ERG: variants seen among roughly 807,000 people sequenced by gnomAD.
ERG encodes transcriptional regulator ERG.
A neutral mutation model predicts 55.3 loss-of-function variants in ERG; 9 were observed. The ratio of observed to expected loss-of-function variants is 0.16; its 90% CI spans 0.10 to 0.28. The LOEUF (loss-of-function observed/expected upper bound fraction) is 0.28. ERG is among the 10% of genes least tolerant of loss of function. The pLI is 1.00. For missense variants in ERG, 434 were observed against 631.6 expected, an observed-to-expected ratio of 0.69 and a Z score of 3.35; for synonymous variants, 223 against 237.3, an observed-to-expected ratio of 0.94 and a Z score of 0.55.
intron 1 of ERG, among the ~76,000 whole-genome samples, chr21:38,636,061 G>A (rs945662440): frequency 9.6e-6 from 1 of 104,612 alleles, no homozygotes; most frequent in Non-Finnish European, 2.1e-5. Flanking sequence ...GTACCCTCTT[G>A]CTGTTCTCAA....
chr21:38,394,618 C>T lies in ERG; in HGVS notation c.746-2174G>A, dbSNP rs1205723777. ...CCGCCCGCCTCAGCCTCCTAAAGTG[C>T]TGGGATTACAGGCGTGAGCCACCGC... On this transcript the variant is annotated intron_variant, in intron 6 of 9. Coordinates refer to ENST00000288319, the MANE Select transcript of ERG (RefSeq NM_182918.4). 2.6e-5 allele frequency among the ~76,000 whole-genome samples: 4 copies of T among 152,268 alleles called. No homozygotes were observed. The East Asian group carries it at 7.7e-4, about 29-fold the overall frequency.
At chr21:38,466,634 T>C (rs956148222) in intron 1 of ERG, among the ~76,000 whole-genome samples, 3 of 152,142 alleles carry the variant, frequency 2.0e-5, no homozygotes, top group African/African-American at 7.2e-5. Context: ...ATTATTCTTA[T>C]GGATGGTCAG....
intron 3 of ERG, among the ~76,000 whole-genome samples, chr21:38,420,162 G>A (rs1989475352): frequency 2.0e-5 from 3 of 152,012 alleles, no homozygotes; most frequent in South Asian, 2.1e-4. Context: ...GGGGTACTCC[G>A]TGCCCCAAAT....
chr21:38,404,666 T>C (rs2146459349), intron 3 of ERG, among the ~76,000 whole-genome samples: 1 of 152,306 alleles, frequency 6.6e-6, no homozygotes, highest in Non-Finnish European at 1.5e-5. Context: ...TTCTGGACCT[T>C]GCTGTGGGCA....
At chr21:38,550,964 G>T (rs2059820325) in intron 2 of ERG, among the ~76,000 whole-genome samples, 1 of 152,176 alleles carries the variant, frequency 6.6e-6, no homozygotes, top group Admixed American at 6.5e-5. Flanking sequence ...AATTCAGGAG[G>T]TGATAAAAGT....
At chr21:38,444,125 C>T (rs1186935352) in intron 2 of ERG, among the ~76,000 whole-genome samples, 3 of 152,182 alleles carry the variant, frequency 2.0e-5, no homozygotes, top group African/African-American at 4.8e-5. Flanking sequence ...TTGACGCAAC[C>T]GTTTCCAGAC....
chr21:38,408,518 G>A (rs1988881692), intron 3 of ERG, among the ~76,000 whole-genome samples: 1 of 152,182 alleles, frequency 6.6e-6, no homozygotes, highest in Non-Finnish European at 1.5e-5. Context: ...CCTAGTCTCT[G>A]CTCACACTGA....
intron 2 of ERG, among the ~76,000 whole-genome samples, chr21:38,568,010 CGGCAGCCGTGGAACAATGT>C (rs2059933717): frequency 6.6e-6 from 1 of 152,138 alleles, no homozygotes. Flanking sequence ...ACTTCCAGAG[CGGCAGCCGTGGAACAATGT>C]GGGAAAGAAG....
chr21:38,583,386 C>T (rs770598739), intron 1 of ERG, among the ~76,000 whole-genome samples: 20 of 152,204 alleles, frequency 1.3e-4, no homozygotes, highest in Non-Finnish European at 2.5e-4. Context: ...AAATCCTGTG[C>T]CCCAGTCACC....
At chr21:38,494,861 T>A (rs1005435219) in intron 1 of ERG, among the ~76,000 whole-genome samples, 3 of 152,198 alleles carry the variant, frequency 2.0e-5, no homozygotes, top group African/African-American at 7.2e-5. Flanking sequence ...CTGTGCTGTG[T>A]CCACAGAGGG....
rs2058938107 is a variant in ERG at position 38,451,158 on chromosome 21, A to C, written c.19-5537T>G. 8.0e-6 allele frequency: 4 copies of C among 497,810 alleles called. No homozygotes were observed. In the Admixed American group the frequency reaches 8.3e-5, roughly 10 times the overall value. The allele number at this position is 497,810 out of a possible 1,614,324, so 30.8% of individuals were successfully genotyped here. The stretch of plus-strand genomic sequence containing the variant: ...AGAGAGGCTGGTAGAGGGAAGAGAC[A>C]GAAGAAAGATGAAGGGATAAGTGTC... On this transcript the variant is annotated intron_variant, in intron 1 of 9. Coordinates refer to ENST00000288319, the MANE Select transcript of ERG (RefSeq NM_182918.4).
At chr21:38,619,558 C>T (rs2060278064) in intron 1 of ERG, among the ~76,000 whole-genome samples, 1 of 152,230 alleles carries the variant, frequency 6.6e-6, no homozygotes, top group South Asian at 2.1e-4. Context: ...AAAAGCATCA[C>T]TTTTCTGAGA....
chr21:38,376,850 G>C (rs1331783282), downstream of ERG, among the ~76,000 whole-genome samples: 1 of 152,256 alleles, frequency 6.6e-6, no homozygotes, highest in Non-Finnish European at 1.5e-5. Flanking sequence ...GCGGCCTGGA[G>C]TCCGCCTGCG....
intron 1 of ERG, among the ~76,000 whole-genome samples, chr21:38,642,718 C>A (rs984332799): frequency 6.6e-6 from 1 of 152,228 alleles, no homozygotes; most frequent in African/African-American, 2.4e-5. Context: ...GTCACCAGCA[C>A]CACTCCTGAT....
At chr21:38,506,739 G>A (rs766918257) in intron 2 of ERG, among the ~76,000 whole-genome samples, 3 of 152,128 alleles carry the variant, frequency 2.0e-5, no homozygotes, top group African/African-American at 2.4e-5. Context: ...CCAAGGAATC[G>A]TGAGGTCAAT....
chr21:38,573,846 A>C (rs577803862), intron 2 of ERG, among the ~76,000 whole-genome samples: 109 of 152,348 alleles, frequency 7.2e-4, no homozygotes, highest in African/African-American at 2.6e-3. Context: ...CCTGACTAGA[A>C]ATACCCACAG....
intron 1 of ERG, among the ~76,000 whole-genome samples, chr21:38,639,842 C>T (rs1407066316): frequency 6.6e-6 from 1 of 152,170 alleles, no homozygotes; most frequent in Non-Finnish European, 1.5e-5. Context: ...CTACACCAAC[C>T]ATGAGGCTGA....
chr21:38,452,444 A>G (rs913248145), intron 1 of ERG, among the ~76,000 whole-genome samples: 3 of 152,272 alleles, frequency 2.0e-5, no homozygotes, highest in Non-Finnish European at 4.4e-5. Flanking sequence ...CAGATATACA[A>G]TACATAATGT....
chr21:38,391,540 A>T, intron 8 of ERG, 119 bp downstream of exon 8: 1 of 811,162 alleles, frequency 1.2e-6, no homozygotes, highest in Non-Finnish European at 2.0e-6. Flanking sequence ...TTATGTATGG[A>T]GCTGTCGAAA....
Sources: gnomAD v4.1 joint callset for allele counts (sites outside exome capture counted in the v4.1 genomes callset) on GRCh38, gnomAD v4.1.1 for gene constraint, MANE v1.5 for transcripts, NCBI Gene and HGNC (gene_info 2026-07-23, HGNC 2026-07-21) for gene names.